The following CYP2C8 variants were observed in gnomAD, a reference collection of about 807,000 sequenced individuals.
CYP2C8 encodes the protein cytochrome P450 2C8.
Under a neutral mutation model 41.3 loss-of-function variants are expected in CYP2C8, and 51 were observed. That is an observed-to-expected ratio of 1.24 (90% CI 0.99 to 1.56). The LOEUF (loss-of-function observed/expected upper bound fraction) is 1.56. Among genes scored for constraint, CYP2C8 ranks in the 40% most tolerant of loss-of-function variants. The pLI is 0.00. For missense variants in CYP2C8, 651 were observed against 579.9 expected (o/e 1.12, Z -1.26); for synonymous variants, 218 against 205.8 (o/e 1.06, Z -0.51).
At chr10:95,043,531 C>T (rs2033050176) in intron 6 of CYP2C8, among the ~76,000 whole-genome samples, 1 of 152,112 alleles carries the variant, frequency 6.6e-6, no homozygotes, top group African/African-American at 2.4e-5. Context: ...CTTCATTCTT[C>T]CATTTCCAAT....
At chr10:95,065,486 G>A (rs1401766622) in intron 3 of CYP2C8, among the ~76,000 whole-genome samples, 1 of 152,048 alleles carries the variant, frequency 6.6e-6, no homozygotes, top group South Asian at 2.1e-4. Context: ...GATATGAGAA[G>A]AAAAACTAAT....
intron 5 of CYP2C8, among the ~76,000 whole-genome samples, chr10:95,056,071 C>A (rs1276367086): frequency 1.3e-5 from 2 of 151,876 alleles, no homozygotes; most frequent in Admixed American, 6.6e-5. Context: ...CCAACCTGAG[C>A]AACACAGAGA....
intron 5 of CYP2C8, among the ~76,000 whole-genome samples, chr10:95,055,855 C>T (rs1311610945): frequency 6.6e-6 from 1 of 151,976 alleles, no homozygotes; most frequent in Non-Finnish European, 1.5e-5. Context: ...TTTGGGAGGG[C>T]CAACATGGGT....
chr10:95,049,894 C>G (rs2033183998), intron 5 of CYP2C8, among the ~76,000 whole-genome samples: 1 of 136,696 alleles, frequency 7.3e-6, no homozygotes, highest in Non-Finnish European at 1.6e-5. Context: ...AGCAGCAATA[C>G]CCAGGTACTA....
chr10:95,060,912 T>A (rs1278944075), intron 4 of CYP2C8, among the ~76,000 whole-genome samples: 1 of 152,376 alleles, frequency 6.6e-6, no homozygotes, highest in East Asian at 1.9e-4. Context: ...CATGTGGTTT[T>A]TGTCTTGGTT....
At chr10:95,057,380 A>T (rs924721656) in intron 5 of CYP2C8, among the ~76,000 whole-genome samples, 2 of 152,216 alleles carry the variant, frequency 1.3e-5, no homozygotes, top group Admixed American at 6.5e-5. Context: ...TTAAAATGTC[A>T]TAATTTTCTG....
Position 95,039,008 on chromosome 10 carries a change from C to T in CYP2C8, c.1180G>A (p.Val394Met), listed in dbSNP as rs190807911. ...GTTIMALLTSVLHDDKEFPNP... is the reference protein window; with the variant it reads ...GTTIMALLTSMLHDDKEFPNP... ...GGAAATTCTTTGTCATCATGTAGCA[C>T]GGAAGTCAGTAATGCCATTATGGTT... The change falls in exon 8 of 9, where the codon GTG (valine) becomes ATG (methionine). Residue 394 changes from valine (V) to methionine (M), a missense_variant. Val to Met is a conservative substitution (Grantham distance 21, BLOSUM62 1). Transcript: ENST00000371270. 4.6e-5 allele frequency: 75 copies of T among 1,613,564 alleles called. 1 individual carries two copies. The highest frequency in any genetic ancestry group is 2.9e-4 in the East Asian group (13 of 44,878).
At chr10:95,046,949 G>A (rs1045270350) in intron 5 of CYP2C8, among the ~76,000 whole-genome samples, 2 of 152,124 alleles carry the variant, frequency 1.3e-5, no homozygotes, top group Non-Finnish European at 2.9e-5. Context: ...CATTGTTATA[G>A]GTGGAATCTG....
At chr10:95,064,122 T>G (rs923867732) in intron 4 of CYP2C8, among the ~76,000 whole-genome samples, 41 of 152,286 alleles carry the variant, frequency 2.7e-4, no homozygotes, top group Admixed American at 1.2e-3. Flanking sequence ...GATCTCATAC[T>G]CCATGCTGGG....
chr10:95,060,821 A>G (rs1046377152), intron 4 of CYP2C8, among the ~76,000 whole-genome samples: 3 of 152,196 alleles, frequency 2.0e-5, no homozygotes, highest in Non-Finnish European at 4.4e-5. Context: ...ACGTCCCATC[A>G]ATACCTAATT....
chr10:95,056,998 A>G (rs2033327906), intron 5 of CYP2C8, among the ~76,000 whole-genome samples: 1 of 152,194 alleles, frequency 6.6e-6, no homozygotes, highest in Non-Finnish European at 1.5e-5. Flanking sequence ...GGCAGAGAGT[A>G]GAAGCTCAGG....
At chr10:95,060,064 A>C (rs767404560) in intron 4 of CYP2C8, among the ~76,000 whole-genome samples, 38 of 152,198 alleles carry the variant, frequency 2.5e-4, no homozygotes, top group Admixed American at 6.5e-4. Flanking sequence ...GAATAGTTTG[A>C]AGTCAGGTAG....
Position 95,069,269 on chromosome 10 carries a change from A to T in CYP2C8, c.134T>A (p.Ile45Lys), listed in dbSNP as rs1252654584. The T allele has an allele frequency of 6.2e-7, 1 of 1,614,062 alleles. No individual in the cohort carries two copies. Among genetic ancestry groups the T allele is most frequent in the South Asian group, 1.1e-5 (1 of 91,078 alleles). ...PLPIIGNMLQ[I>K]DVKDICKSFT... is the part of the protein sequence containing the mutation. ...AGATTTGCAGATGTCCTTAACATCTATCTGTAGCATATTTCCAATAATAGG... is the reference window on the plus strand; with the variant it reads ...AGATTTGCAGATGTCCTTAACATCTTTCTGTAGCATATTTCCAATAATAGG... The change falls in exon 1 of 9, where the codon ATA (isoleucine) becomes AAA (lysine). Residue 45 changes from isoleucine (I) to lysine (K), a missense_variant. Ile to Lys is a moderately radical substitution (Grantham distance 102). Transcript: ENST00000371270.
Position 95,058,512 on chromosome 10 carries a change from C to G in CYP2C8, c.643-1G>C. 2 of 1,608,542 alleles carry G rather than the reference C, an allele frequency of 1.2e-6. No individual in the cohort carries two copies. The highest frequency in any genetic ancestry group is 1.3e-5 in the African/African-American group (1 of 74,698). ...TGAGTAGAGGGAAATTATTGCAGAC[C>G]TAAAAGAGAAAAGAATATTAAATAT... On this transcript the variant is annotated splice_acceptor_variant, in intron 4 of 8. Coordinates refer to ENST00000371270, the MANE Select transcript of CYP2C8 (RefSeq NM_000770.3). LOFTEE classifies it high-confidence loss of function.
At chr10:95,061,728 T>C (rs911030071) in intron 4 of CYP2C8, among the ~76,000 whole-genome samples, 2 of 152,224 alleles carry the variant, frequency 1.3e-5, no homozygotes, top group East Asian at 3.8e-4. Context: ...TCAATTGTGA[T>C]GTTAGGGTGT....
chr10:95,050,514 G>A (rs1464526192), intron 5 of CYP2C8, among the ~76,000 whole-genome samples: 1 of 152,158 alleles, frequency 6.6e-6, no homozygotes, highest in East Asian at 1.9e-4. Flanking sequence ...TCACAGTGGT[G>A]GTGGATACAT....
Position 95,066,306 on chromosome 10 carries a change from C to T in CYP2C8, c.481+902G>A, listed in dbSNP as rs185383818. ...ATCAGATTGATTATAACAAGCACTT[C>T]ATAGGTGAGTAAATTGGCAGTGGGA... is the stretch of plus-strand genomic sequence containing the variant. On this transcript the variant is annotated intron_variant, in intron 3 of 8. Transcript: ENST00000371270. 1.8e-4 allele frequency among the ~76,000 whole-genome samples: 27 copies of T among 151,140 alleles called. No homozygotes were observed. The East Asian group carries it at 4.9e-3, about 27-fold the overall frequency.
In CYP2C8 at chr10:95,067,388, AT is replaced by A. The variant is rs748104826; in HGVS notation, c.332-32del. On this transcript the variant is annotated intron_variant, in intron 2 of 8. Transcript: ENST00000371270. ...AAAAAAAGGGGCAGAAACTGGGAGA[AT>A]TCACAGCCAAGGAAGAAAGTGCTGC... The A allele has an allele frequency of 1.7e-5, 28 of 1,614,040 alleles. No individual in the cohort carries two copies. The South Asian group carries it at 3.1e-4, about 18-fold the overall frequency.
intron 5 of CYP2C8, among the ~76,000 whole-genome samples, chr10:95,055,158 C>T (rs11572126): frequency 0.11 from 17,092 of 151,944 alleles, 1,320 homozygotes; most frequent in East Asian, 0.32. Context: ...AATTTATATG[C>T]AACTACAGGG....
Sources: gnomAD v4.1 joint callset for allele counts (sites outside exome capture counted in the v4.1 genomes callset) on GRCh38, gnomAD v4.1.1 for gene constraint, MANE v1.5 for transcripts, NCBI Gene and HGNC (gene_info 2026-07-23, HGNC 2026-07-21) for gene names.